BACE2: variants seen among roughly 807,000 people sequenced by gnomAD.
BACE2 encodes the protein beta-secretase 2.
BACE2 carries 17 observed loss-of-function variants against 46.2 expected under a neutral mutation model. That is an observed-to-expected ratio of 0.37 (90% confidence interval 0.25 to 0.55). The LOEUF (loss-of-function observed/expected upper bound fraction) is 0.55. BACE2 is among the 20% of genes least tolerant of loss of function. BACE2 has a pLI of 0.82. For missense variants in BACE2, 595 were observed against 698.1 expected, an observed-to-expected ratio of 0.85 and a Z score of 1.66; for synonymous variants, 277 against 295.9, an observed-to-expected ratio of 0.94 and a Z score of 0.66.
chr21:41,235,384 C>T (rs545779566), intron 2 of BACE2, among the ~76,000 whole-genome samples: 1 of 152,268 alleles, frequency 6.6e-6, no homozygotes, highest in East Asian at 1.9e-4. Flanking sequence ...GGATGGTTTC[C>T]AGCTGTTTGC....
At chr21:41,238,718 C>T (rs1044510814) in intron 3 of BACE2, among the ~76,000 whole-genome samples, 1 of 148,682 alleles carries the variant, frequency 6.7e-6, no homozygotes, top group Non-Finnish European at 1.5e-5. Context: ...AAACCAAACA[C>T]CGCATATTCT....
intron 2 of BACE2, among the ~76,000 whole-genome samples, chr21:41,229,298 C>T (rs1186699561): frequency 6.6e-6 from 1 of 152,198 alleles, no homozygotes; most frequent in Non-Finnish European, 1.5e-5. Context: ...TTTAGCAATT[C>T]TTTCCCACTT....
At position 41,252,431 on chromosome 21, in the gene BACE2, T is replaced by C. The variant is rs565738909; in HGVS notation, c.1134+1530T>C. 4 of 152,368 alleles carry C rather than the reference T, an allele frequency of 2.6e-5. No homozygotes were observed. In the East Asian group the frequency reaches 7.7e-4, roughly 29 times the overall value. 9.4% of individuals were successfully genotyped at this position (152,368 alleles called of 1,614,324 possible). ...AACAACCCAGCTTTTGTTGAAACCA[T>C]GCCGAGCAGAATAACCCATTTGTGA... On this transcript the variant is annotated intron_variant, in intron 7 of 8. Transcript: ENST00000330333.
rs537481804 is a variant in BACE2 at position 41,195,553 on chromosome 21, C to A, written c.312+26978C>A. 2.6e-5 allele frequency among the ~76,000 whole-genome samples: 4 copies of A among 152,270 alleles called. No individual in the cohort carries two copies. In the East Asian group the frequency reaches 7.7e-4, roughly 29 times the overall value. On this transcript the variant is annotated intron_variant, in intron 1 of 8. Transcript: ENST00000330333. ...TCAGCCACACCCAGAGTGAACCAAC[C>A]GTGCAGTCAAATACAAAACTTCCTG...
intron 1 of BACE2, among the ~76,000 whole-genome samples, chr21:41,202,552 A>T (rs1346977178): frequency 6.6e-6 from 1 of 152,180 alleles, no homozygotes; most frequent in Non-Finnish European, 1.5e-5. Context: ...CTAGCTGTTT[A>T]TTTCTGGATA....
At chr21:41,243,315 G>T in intron 4 of BACE2, 61 bp from the exon 5 acceptor site, 14 of 1,420,806 alleles carry the variant, frequency 9.9e-6, no homozygotes, top group Non-Finnish European at 1.3e-5. Context: ...GCTTCTCTGT[G>T]TAACCTGTTG....
intron 7 of BACE2, 93 bp from the exon 8 acceptor site, chr21:41,257,065 G>T: frequency 2.1e-6 from 3 of 1,435,896 alleles, no homozygotes; most frequent in Non-Finnish European, 2.9e-6. Context: ...CGCCTGGGAG[G>T]GTCCTGAGCA....
intron 1 of BACE2, chr21:41,181,770 T>C (rs563759940): frequency 6.0e-6 from 1 of 167,144 alleles, no homozygotes; most frequent in East Asian, 1.9e-4. Context: ...CTATGGTTAG[T>C]TAGGAGGTCT....
chr21:41,255,143 G>A (rs2123625183), intron 7 of BACE2, among the ~76,000 whole-genome samples: 1 of 152,348 alleles, frequency 6.6e-6, no homozygotes, highest in Non-Finnish European at 1.5e-5. Flanking sequence ...AGAGAACTGT[G>A]GGAGAGGTCT....
intron 8 of BACE2, among the ~76,000 whole-genome samples, chr21:41,272,365 A>C (rs1367963407): frequency 6.6e-6 from 1 of 151,342 alleles, no homozygotes; most frequent in Non-Finnish European, 1.5e-5. Flanking sequence ...AAATTTGGAA[A>C]ATTTTTGGTT....
intron 7 of BACE2, among the ~76,000 whole-genome samples, chr21:41,253,479 A>C (rs1274208228): frequency 6.6e-6 from 1 of 151,698 alleles, no homozygotes; most frequent in Non-Finnish European, 1.5e-5. Context: ...CTTGATGATT[A>C]CATTTTGGCT....
intron 1 of BACE2, among the ~76,000 whole-genome samples, chr21:41,195,905 T>C (rs1985716666): frequency 1.3e-5 from 2 of 152,214 alleles, no homozygotes; most frequent in African/African-American, 4.8e-5. Context: ...AGGGTTCTAT[T>C]AAAATGTTAT....
chr21:41,213,026 T>G (rs772522413), intron 1 of BACE2, among the ~76,000 whole-genome samples: 2 of 152,212 alleles, frequency 1.3e-5, no homozygotes, highest in East Asian at 3.8e-4. Context: ...TTGGCAGGTT[T>G]GTTGACCTAA....
chr21:41,187,995 G>C (rs1170454595), intron 1 of BACE2, among the ~76,000 whole-genome samples: 1 of 152,156 alleles, frequency 6.6e-6, no homozygotes, highest in African/African-American at 2.4e-5. Flanking sequence ...CAGTTCTTAA[G>C]TACACACACA....
chr21:41,209,039 G>T (rs1338713994), intron 1 of BACE2, among the ~76,000 whole-genome samples: 1 of 152,184 alleles, frequency 6.6e-6, no homozygotes, highest in Non-Finnish European at 1.5e-5. Flanking sequence ...CACTCAGGCC[G>T]CTCCCAAACG....
rs1458501884 is a variant in BACE2, at chr21:41,282,126, T to A, written c.*6502T>A. ...TGCTTCTGGCAGGAGAGCTGCAAAC[T>A]GTGTATCCTCAAACAGATGCAAAAA... On this transcript the variant is annotated 3_prime_UTR_variant, in exon 9 of 9. Transcript: ENST00000330333. The A allele has an allele frequency of 3.9e-5, 6 of 152,270 alleles. No individual in the cohort carries two copies. In the East Asian group the frequency reaches 1.2e-3, roughly 29 times the overall value. The allele number at this position is 152,270 out of a possible 1,614,324, so 9.4% of individuals were successfully genotyped here.
intron 1 of BACE2, chr21:41,176,224 TG>T (rs1019928964): frequency 2.6e-5 from 4 of 152,190 alleles, no homozygotes; most frequent in African/African-American, 9.6e-5. Context: ...GTGCAACACC[TG>T]GGGTCCTGTT....
intron 2 of BACE2, among the ~76,000 whole-genome samples, chr21:41,228,198 T>C (rs750238440): frequency 3.9e-5 from 6 of 152,146 alleles, no homozygotes; most frequent in Non-Finnish European, 7.3e-5. Flanking sequence ...AGGGAAGTAA[T>C]GTATAACCGG....
At chr21:41,226,111 A>G (rs1232758847) in intron 1 of BACE2, among the ~76,000 whole-genome samples, 155 bp from the exon 2 acceptor site, 1 of 151,712 alleles carries the variant, frequency 6.6e-6, no homozygotes, top group African/African-American at 2.4e-5. Flanking sequence ...CAATTTTATA[A>G]TAGCTTTTTC....
Sources: gnomAD v4.1 joint callset for allele counts (sites outside exome capture counted in the v4.1 genomes callset) on GRCh38, gnomAD v4.1.1 for gene constraint, MANE v1.5 for transcripts, NCBI Gene and HGNC (gene_info 2026-07-23, HGNC 2026-07-21) for gene names.